Variants in IGSF10 observed in about 807,000 individuals in gnomAD.
IGSF10 encodes the protein immunoglobulin superfamily member 10.
Under a neutral mutation model 128.2 loss-of-function variants are expected in IGSF10, and 126 were observed. That is an observed-to-expected ratio of 0.98 (90% CI 0.85 to 1.14). IGSF10 has a LOEUF of 1.14. Among genes scored for constraint, IGSF10 ranks in the 50% most tolerant of loss-of-function variants. The pLI, the probability that IGSF10 is intolerant of heterozygous loss-of-function variation, is 0.00. For missense variants in IGSF10, 3,295 were observed against 3,149.8 expected (o/e 1.05, Z -1.10); for synonymous variants, 1,185 against 1,146.2 (o/e 1.03, Z -0.68).
At chr3:151,454,716 G>A (rs575929031) in intron 4 of IGSF10, among the ~76,000 whole-genome samples, 9 of 152,116 alleles carry the variant, frequency 5.9e-5, no homozygotes, top group African/African-American at 2.2e-4. Flanking sequence ...CTTTTAAAGT[G>A]TACAACTGGC....
chr3:151,550,027 A>C, the IGSF10 span, among the ~76,000 whole-genome samples: 1 of 152,162 alleles, frequency 6.6e-6, no homozygotes, highest in African/African-American at 2.4e-5. Flanking sequence ...AATCCTGGAA[A>C]TATTTGGGCT....
downstream of IGSF10, chr3:151,434,367 T>G (rs565203370): frequency 7.2e-5 from 11 of 152,336 alleles, no homozygotes; most frequent in African/African-American, 2.4e-4. Flanking sequence ...GTCAGCTTAC[T>G]TTGCTGTGGC....
intron 4 of IGSF10, 47 bp downstream of exon 4, chr3:151,456,979 G>A (rs1560182770): frequency 6.2e-6 from 10 of 1,607,090 alleles, no homozygotes; most frequent in African/African-American, 1.3e-5. Flanking sequence ...TATCTCACAG[G>A]TCCCACCTTA....
the IGSF10 span, among the ~76,000 whole-genome samples, chr3:151,517,382 G>C: frequency 8.6e-4 from 131 of 151,996 alleles, no homozygotes; most frequent in South Asian, 0.012. Context: ...TGGTTTACAG[G>C]CACCCTGGCC....
At chr3:151,579,218 G>A in the IGSF10 span, among the ~76,000 whole-genome samples, 1 of 152,218 alleles carries the variant, frequency 6.6e-6, no homozygotes, top group South Asian at 2.1e-4. Flanking sequence ...TCAATTCCTT[G>A]CATTAAATGT....
the IGSF10 span, among the ~76,000 whole-genome samples, chr3:151,473,541 C>T: frequency 3.3e-5 from 5 of 152,128 alleles, no homozygotes; most frequent in African/African-American, 1.2e-4. Context: ...CAAGTAATTG[C>T]TTGTATAATG....
At chr3:151,575,022 C>G in the IGSF10 span, among the ~76,000 whole-genome samples, 6 of 152,142 alleles carry the variant, frequency 3.9e-5, no homozygotes, top group South Asian at 4.1e-4. Flanking sequence ...CACTCAAGAC[C>G]CTGTTTGCCT....
chr3:151,440,711 T>C, intron 7 of IGSF10: 1 of 376,636 alleles, frequency 2.7e-6, no homozygotes, highest in Non-Finnish European at 5.5e-6. Flanking sequence ...AAAATAATAA[T>C]GATGTCTGAG....
the IGSF10 span, among the ~76,000 whole-genome samples, chr3:151,543,756 T>C: frequency 6.6e-6 from 1 of 152,312 alleles, no homozygotes; most frequent in East Asian, 1.9e-4. Flanking sequence ...CCTGCCAAAC[T>C]TGCTGAGTCA....
At chr3:151,535,313 A>G in the IGSF10 span, among the ~76,000 whole-genome samples, 3 of 152,224 alleles carry the variant, frequency 2.0e-5, no homozygotes, top group Admixed American at 6.5e-5. Flanking sequence ...TTGCAGCAAC[A>G]TGGCTGCAGC....
chr3:151,570,077 T>C, the IGSF10 span, among the ~76,000 whole-genome samples: 1 of 152,236 alleles, frequency 6.6e-6, no homozygotes, highest in Middle Eastern at 3.2e-3. Context: ...TCCTTTCTTA[T>C]GGCTGCATAG....
chr3:151,510,942 C>T, the IGSF10 span, among the ~76,000 whole-genome samples: 8 of 150,934 alleles, frequency 5.3e-5, no homozygotes, highest in African/African-American at 9.7e-5. Flanking sequence ...TGAACAAAGC[C>T]TCCAAGAAAT....
At chr3:151,494,359 C>A in the IGSF10 span, among the ~76,000 whole-genome samples, 1 of 152,016 alleles carries the variant, frequency 6.6e-6, no homozygotes, top group Non-Finnish European at 1.5e-5. Flanking sequence ...AGGAGGGGAG[C>A]TATGTGCAGA....
the IGSF10 span, among the ~76,000 whole-genome samples, chr3:151,502,840 G>A: frequency 6.6e-6 from 1 of 152,060 alleles, no homozygotes; most frequent in South Asian, 2.1e-4. Context: ...AAAAACTAGA[G>A]TGATAAGAAA....
rs748106682 is a variant in IGSF10, at chr3:151,448,319, G to A, written c.1662C>T (p.Ser554=). The A allele has an allele frequency of 1.6e-5, 26 of 1,614,154 alleles. No homozygotes were observed. Among genetic ancestry groups the A allele is most frequent in the Non-Finnish European group, 2.1e-5 (25 of 1,180,020 alleles). The change falls in exon 6 of 8, where the codon AGC becomes AGT. Residue 554 remains serine (S), a synonymous_variant. Coordinates refer to ENST00000282466, the MANE Select transcript of IGSF10 (RefSeq NM_178822.5). ...FDTGVYHCIS[S]NYDDADILTY... ...TGAGAATATCTGCATCATCATAATT[G>A]CTGCTTATACAGTGATATACGCCTG...
rs1034829331 is a variant in IGSF10, at chr3:151,460,357, G to A, written c.-88-10C>T. On this transcript the variant is annotated splice_polypyrimidine_tract_variant and intron_variant, in intron 1 of 7. Coordinates refer to ENST00000282466, the MANE Select transcript of IGSF10 (RefSeq NM_178822.5). ...AAAATTGTGTCCAAACCTGAGGGAG[G>A]AAAAGTTCTCTGCTCCAAAGTGAGC... 15 of 914,834 alleles carry A rather than the reference G, an allele frequency of 1.6e-5. No homozygotes were observed. In the South Asian group the frequency reaches 4.0e-4, roughly 25 times the overall value. 56.7% of individuals were successfully genotyped at this position (914,834 alleles called of 1,614,324 possible). A position where few individuals can be genotyped will look rare whatever the true frequency, so the allele number is the denominator to read the frequency against.
the IGSF10 span, among the ~76,000 whole-genome samples, chr3:151,488,945 A>G: frequency 6.6e-6 from 1 of 152,234 alleles, no homozygotes; most frequent in Non-Finnish European, 1.5e-5. Context: ...CACAAAAAGC[A>G]ATGGCAACAA....
the IGSF10 span, among the ~76,000 whole-genome samples, chr3:151,502,741 T>TA: frequency 6.6e-6 from 1 of 152,050 alleles, no homozygotes; most frequent in Non-Finnish European, 1.5e-5. Flanking sequence ...AACCTCTTAC[T>TA]AAAAAGAACT....
At chr3:151,551,016 C>G in the IGSF10 span, among the ~76,000 whole-genome samples, 1 of 152,098 alleles carries the variant, frequency 6.6e-6, no homozygotes, top group Non-Finnish European at 1.5e-5. Context: ...TGCTAACAAC[C>G]CAGCATGGTT....
Sources: gnomAD v4.1 joint callset for allele counts (sites outside exome capture counted in the v4.1 genomes callset) on GRCh38, gnomAD v4.1.1 for gene constraint, MANE v1.5 for transcripts, NCBI Gene and HGNC (gene_info 2026-07-23, HGNC 2026-07-21) for gene names.